Variants in NMT2 observed in about 807,000 individuals in gnomAD.
The protein encoded by NMT2 is N-myristoyltransferase 2.
NMT2 carries 35 observed loss-of-function variants against 65.4 expected under a neutral mutation model. The observed-to-expected ratio is 0.54, with a 90% confidence interval of 0.41 to 0.71. The LOEUF is 0.71. Ranked by LOEUF, NMT2 falls within the 30% of genes least tolerant of loss-of-function variation. The pLI, the probability that NMT2 is intolerant of heterozygous loss-of-function variation, is 0.00. For missense variants in NMT2, 489 were observed against 611.3 expected (o/e 0.80, Z 2.11); for synonymous variants, 226 against 231.8 (o/e 0.98, Z 0.23).
intron 11 of NMT2, 117 bp from the exon 12 acceptor site, chr10:15,109,332 T>G (rs1290028435): frequency 7.7e-7 from 1 of 1,303,162 alleles, no homozygotes; most frequent in Non-Finnish European, 1.0e-6. Flanking sequence ...CCCGGCACTT[T>G]GGGAGGCCAA....
chr10:15,136,369 C>T (rs553393150), intron 2 of NMT2, among the ~76,000 whole-genome samples: 14 of 120,238 alleles, frequency 1.2e-4, no homozygotes, highest in South Asian at 5.2e-4. Context: ...AGGGAGGGAG[C>T]GAGGGAGGAA....
At chr10:15,109,577 ATAAAT>A (rs1845438264) in intron 11 of NMT2, 120 bp downstream of exon 11, 1 of 738,550 alleles carries the variant, frequency 1.4e-6, no homozygotes, top group South Asian at 3.9e-5. Flanking sequence ...TCTCAAAAAA[ATAAAT>A]AAATAAATAA....
intron 1 of NMT2, among the ~76,000 whole-genome samples, chr10:15,165,625 C>T (rs924618672): frequency 6.6e-6 from 1 of 152,130 alleles, no homozygotes; most frequent in African/African-American, 2.4e-5. Flanking sequence ...CACCTGTAAT[C>T]CCAGCACTTT....
At position 15,106,026 on chromosome 10, in the gene NMT2, ACT is replaced by A. The variant is rs1281386725; in HGVS notation, c.*3167_*3168del. On this transcript the variant is annotated 3_prime_UTR_variant, in exon 12 of 12. Coordinates refer to ENST00000378165, the MANE Select transcript of NMT2 (RefSeq NM_004808.3). ...TATTTTACTTTCGAGATAGAGTCTC[ACT>A]CTGTTGCCCAGGCTGGAGTGCAGTG... 5 of 411,808 alleles carry A rather than the reference ACT, an allele frequency of 1.2e-5. No individual in the cohort carries two copies. Among genetic ancestry groups the A allele is most frequent in the Non-Finnish European group, 2.4e-5 (5 of 210,188 alleles). The allele number at this position is 411,808 out of a possible 1,614,324, so 25.5% of individuals were successfully genotyped here.
In NMT2 at chr10:15,168,244, G is replaced by T. The variant is rs557590075; in HGVS notation, c.110+259C>A. 402 of 356,726 alleles carry T rather than the reference G, an allele frequency of 1.1e-3. 11 individuals are homozygous for T. The South Asian group carries it at 0.024, about 21-fold the overall frequency. 22.1% of individuals were successfully genotyped at this position (356,726 alleles called of 1,614,324 possible). A position where few individuals can be genotyped will look rare whatever the true frequency, so the allele number is the denominator to read the frequency against. On this transcript the variant is annotated intron_variant, in intron 1 of 11. Transcript: ENST00000378165. ...CGGGGATGGGCGAGGCTGGCCGGGGGCGCGCGGCAAGTGACAGTAGCGTCT... is the reference window on the plus strand; with the variant it reads ...CGGGGATGGGCGAGGCTGGCCGGGGTCGCGCGGCAAGTGACAGTAGCGTCT...
chr10:15,141,704 G>A (rs1054402367), intron 1 of NMT2, 147 bp from the exon 2 acceptor site: 30 of 1,101,246 alleles, frequency 2.7e-5, no homozygotes, highest in South Asian at 2.4e-4. Context: ...AGGAATAAAA[G>A]GTAGTGGAGT....
At chr10:15,155,805 C>G (rs1302197759) in intron 1 of NMT2, among the ~76,000 whole-genome samples, 1 of 152,092 alleles carries the variant, frequency 6.6e-6, no homozygotes, top group Non-Finnish European at 1.5e-5. Flanking sequence ...CAGTGCCACT[C>G]CTCTTGTGCT....
rs572867950 is a variant in NMT2 at position 15,140,817 on chromosome 10, A to G, written c.246+605T>C. 1.6e-4 allele frequency among the ~76,000 whole-genome samples: 24 copies of G among 152,338 alleles called. No homozygotes were observed. The South Asian group carries it at 2.5e-3, about 16-fold the overall frequency. ...CATCTGTGCCACCAGACACCCACGC[A>G]GTACAATCAACCCTCTTCTTGGCCA... On this transcript the variant is annotated intron_variant, in intron 2 of 11. Coordinates refer to ENST00000378165, the MANE Select transcript of NMT2 (RefSeq NM_004808.3).
chr10:15,164,272 T>C (rs1046520828), intron 1 of NMT2, among the ~76,000 whole-genome samples: 2 of 146,978 alleles, frequency 1.4e-5, no homozygotes, highest in African/African-American at 5.0e-5. Context: ...AACAAAAACA[T>C]ACTCACCTAT....
intron 6 of NMT2, among the ~76,000 whole-genome samples, chr10:15,132,357 T>C (rs1257231278): frequency 1.3e-5 from 2 of 152,012 alleles, no homozygotes; most frequent in African/African-American, 4.8e-5. Context: ...AGAGTTTCCA[T>C]AAAGCCTCTG....
intron 1 of NMT2, among the ~76,000 whole-genome samples, chr10:15,151,059 C>CTTTTTTTTTTTTTTTTTTTTT (rs200879621): frequency 6.2e-4 from 87 of 139,872 alleles, no homozygotes; most frequent in African/African-American, 2.1e-3. Context: ...TAGCTTCCTC[C>CTTTTTTTTTTTTTTTTTTTTT]TTTTTTTTTT....
intron 3 of NMT2, among the ~76,000 whole-genome samples, chr10:15,134,138 C>G (rs1032487485): frequency 6.6e-6 from 1 of 152,186 alleles, no homozygotes; most frequent in African/African-American, 2.4e-5. Context: ...AATTTCAAGG[C>G]TGGTTACTTC....
chr10:15,167,975 C>A (rs1014594887), intron 1 of NMT2, among the ~76,000 whole-genome samples: 1 of 152,184 alleles, frequency 6.6e-6, no homozygotes, highest in Non-Finnish European at 1.5e-5. Flanking sequence ...TCGCCGCCTG[C>A]GGCCCCGACA....
rs1490405530 is a variant in NMT2 at position 15,107,678 on chromosome 10, C to T, written c.*1517G>A. ...CCATGTTGGCCAGGCTGGTCTCGAACCCCTGACCTCAAATGTTTCGCCCGC... is the reference window on the plus strand; with the variant it reads ...CCATGTTGGCCAGGCTGGTCTCGAATCCCTGACCTCAAATGTTTCGCCCGC... On this transcript the variant is annotated 3_prime_UTR_variant, in exon 12 of 12. Transcript: ENST00000378165. The T allele has an allele frequency of 3.4e-5, 25 of 730,526 alleles. No homozygotes were observed. Among genetic ancestry groups the T allele is most frequent in the Non-Finnish European group, 4.2e-5 (25 of 597,808 alleles). 45.3% of individuals were successfully genotyped at this position (730,526 alleles called of 1,614,324 possible).
rs1220752201 is a variant in NMT2, at chr10:15,145,328, G to A, written c.111-3771C>T. On this transcript the variant is annotated intron_variant, in intron 1 of 11. Transcript: ENST00000378165. ...TGTTCTAAAATTGATTGTACTGATG[G>A]GTGCACAACTCTGAATAAGCTAAAA... is the stretch of plus-strand genomic sequence containing the variant. Among the ~76,000 whole-genome samples the A allele has an allele frequency of 2.0e-5, 3 of 152,090 alleles. No individual in the cohort carries two copies. The East Asian group carries it at 5.8e-4, about 29-fold the overall frequency.
intron 8 of NMT2, among the ~76,000 whole-genome samples, chr10:15,127,546 C>CAAAAAAAAAAAAAA (rs1239422956): frequency 1.2e-4 from 6 of 51,392 alleles, no homozygotes; most frequent in Admixed American, 3.0e-4. Flanking sequence ...GACTCCGTCT[C>CAAAAAAAAAAAAAA]AAAAAAAAAA....
Position 15,124,477 on chromosome 10 carries a change from C to T in NMT2, c.999+3873G>A, listed in dbSNP as rs965166542. 5.3e-5 allele frequency among the ~76,000 whole-genome samples: 8 copies of T among 152,110 alleles called. No homozygotes were observed. The East Asian group carries it at 5.8e-4, about 11-fold the overall frequency. Reference sequence around the variant, plus strand: ...AAATGAGACTACGGCTGTTAAATGTCGAGCATAACGCCGGCCACAATAAAT... The same window carrying T: ...AAATGAGACTACGGCTGTTAAATGTTGAGCATAACGCCGGCCACAATAAAT... On this transcript the variant is annotated intron_variant, in intron 8 of 11. Coordinates refer to ENST00000378165, the MANE Select transcript of NMT2 (RefSeq NM_004808.3).
intron 8 of NMT2, among the ~76,000 whole-genome samples, chr10:15,123,022 C>G (rs1419615981): frequency 6.6e-6 from 1 of 151,984 alleles, no homozygotes; most frequent in South Asian, 2.1e-4. Context: ...TATCTTAGGT[C>G]TCTAAAGGTT....
At chr10:15,150,592 G>A (rs893950569) in intron 1 of NMT2, among the ~76,000 whole-genome samples, 5 of 151,970 alleles carry the variant, frequency 3.3e-5, no homozygotes, top group South Asian at 2.1e-4. Context: ...AAGCAACATC[G>A]TCTCTGTGCA....
Sources: gnomAD v4.1 joint callset for allele counts (sites outside exome capture counted in the v4.1 genomes callset) on GRCh38, gnomAD v4.1.1 for gene constraint, MANE v1.5 for transcripts, NCBI Gene and HGNC (gene_info 2026-07-23, HGNC 2026-07-21) for gene names.